Variants in STK39 observed in about 807,000 individuals in gnomAD.
STK39 encodes STE20/SPS1-related proline-alanine-rich protein kinase.
In STK39, 20 loss-of-function variants were observed where a neutral mutation model predicts 77.8. The ratio of observed to expected loss-of-function variants is 0.26; its 90% CI spans 0.18 to 0.37. The LOEUF (loss-of-function observed/expected upper bound fraction) is 0.37. STK39 is among the 10% of genes least tolerant of loss of function. STK39 has a pLI of 1.00. For synonymous variants in STK39, 246 were observed against 234.1 expected, an observed-to-expected ratio of 1.05 and a Z score of -0.47; for missense variants, 479 against 656.5, an observed-to-expected ratio of 0.73 and a Z score of 2.95.
At chr2:168,018,794 T>C (rs1308318406) in intron 14 of STK39, among the ~76,000 whole-genome samples, 10 of 152,138 alleles carry the variant, frequency 6.6e-5, no homozygotes, top group African/African-American at 2.4e-4. Context: ...AGCTGGTCTC[T>C]GGGCCCTTTT....
chr2:168,165,002 C>A (rs1327764457), intron 3 of STK39, among the ~76,000 whole-genome samples: 1 of 152,044 alleles, frequency 6.6e-6, no homozygotes, highest in African/African-American at 2.4e-5. Flanking sequence ...CAGCTGCCTG[C>A]CCCTCATTAA....
chr2:168,129,973 G>T (rs986583965), intron 8 of STK39, among the ~76,000 whole-genome samples: 1 of 152,120 alleles, frequency 6.6e-6, no homozygotes, highest in African/African-American at 2.4e-5. Context: ...ATAAACTCCT[G>T]TACATTAAGT....
At chr2:167,976,447 A>G (rs774149658) in intron 16 of STK39, among the ~76,000 whole-genome samples, 1 of 152,188 alleles carries the variant, frequency 6.6e-6, no homozygotes, top group Non-Finnish European at 1.5e-5. Context: ...GCCTTCTCAA[A>G]AGCTCAACCA....
At chr2:168,097,093 AC>A (rs1303741459) in intron 10 of STK39, among the ~76,000 whole-genome samples, 1 of 152,186 alleles carries the variant, frequency 6.6e-6, no homozygotes, top group East Asian at 1.9e-4. Context: ...CAAGTATATC[AC>A]TTTTACCAAC....
intron 5 of STK39, among the ~76,000 whole-genome samples, chr2:168,150,890 T>C (rs979634425): frequency 1.7e-4 from 26 of 152,174 alleles, no homozygotes; most frequent in African/African-American, 6.3e-4. Context: ...AGGAACCATG[T>C]AGAACCAAAG....
chr2:168,018,574 G>GAAAA (rs1338477615), intron 14 of STK39, among the ~76,000 whole-genome samples: 1 of 143,260 alleles, frequency 7.0e-6, no homozygotes, highest in South Asian at 2.1e-4. Flanking sequence ...AAGAAAGAAA[G>GAAAA]AAAGAAAGAA....
intron 16 of STK39, among the ~76,000 whole-genome samples, chr2:167,979,224 G>A (rs1400578497): frequency 6.6e-6 from 1 of 152,122 alleles, no homozygotes; most frequent in African/African-American, 2.4e-5. Flanking sequence ...CATGATAGAA[G>A]TATTTTTAAT....
At chr2:168,152,553 C>A (rs1688318254) in intron 5 of STK39, among the ~76,000 whole-genome samples, 1 of 152,130 alleles carries the variant, frequency 6.6e-6, no homozygotes, top group Admixed American at 6.6e-5. Context: ...GGGGTGAAAC[C>A]TAATGGCAAG....
At chr2:168,091,889 G>C (rs1429655104) in intron 10 of STK39, among the ~76,000 whole-genome samples, 3 of 152,048 alleles carry the variant, frequency 2.0e-5, no homozygotes, top group Non-Finnish European at 4.4e-5. Context: ...TCTCTGATAA[G>C]GACATTTAAA....
chr2:168,017,893 A>T (rs1310627139), intron 14 of STK39, among the ~76,000 whole-genome samples: 1 of 152,192 alleles, frequency 6.6e-6, no homozygotes, highest in East Asian at 1.9e-4. Context: ...ATCTAAATTT[A>T]AAAGTTTTAT....
chr2:168,037,834 G>A (rs2105347797), intron 14 of STK39, among the ~76,000 whole-genome samples: 1 of 152,192 alleles, frequency 6.6e-6, no homozygotes, highest in East Asian at 1.9e-4. Flanking sequence ...ATAACTTTCT[G>A]CATTTTCAAA....
At chr2:167,966,003 A>G (rs1002402892) in intron 16 of STK39, among the ~76,000 whole-genome samples, 1 of 152,194 alleles carries the variant, frequency 6.6e-6, no homozygotes, top group African/African-American at 2.4e-5. Context: ...CTCTTTATAA[A>G]CCATAATTGC....
rs567212400 is a variant in STK39, at chr2:168,000,632, G to T, written c.1498+12002C>A. Among the ~76,000 whole-genome samples the T allele has an allele frequency of 1.4e-4, 21 of 152,328 alleles. 1 individual carries two copies. The highest frequency in any genetic ancestry group is 5.1e-4 in the African/African-American group (21 of 41,580). ...ATGTGAGGAATTGATAGTCAACCCT[G>T]AAAGGAAAGTCAGGGCAGTGGTTGA... is the stretch of plus-strand genomic sequence containing the variant. On this transcript the variant is annotated intron_variant, in intron 16 of 17. Coordinates refer to ENST00000355999, the MANE Select transcript of STK39 (RefSeq NM_013233.3).
chr2:168,179,883 G>C, intron 2 of STK39, among the ~76,000 whole-genome samples: 1 of 152,214 alleles, frequency 6.6e-6, no homozygotes, highest in East Asian at 1.9e-4. Context: ...AAACGTGAAG[G>C]CTGTGGGCAA....
chr2:168,140,447 C>G (rs1250776558), intron 6 of STK39, 57 bp from the exon 7 acceptor site: 1 of 1,454,540 alleles, frequency 6.9e-7, no homozygotes, highest in Non-Finnish European at 9.7e-7. Flanking sequence ...TACACATCAT[C>G]AAGTCCATGT....
At chr2:168,196,674 G>T (rs1382413237) in intron 1 of STK39, among the ~76,000 whole-genome samples, 1 of 152,168 alleles carries the variant, frequency 6.6e-6, no homozygotes, top group African/African-American at 2.4e-5. Flanking sequence ...AATAATTTCA[G>T]ATTGCAGTTA....
intron 6 of STK39, 127 bp from the exon 7 acceptor site, chr2:168,140,517 G>A (rs1318762686): frequency 2.6e-6 from 3 of 1,148,284 alleles, no homozygotes; most frequent in Non-Finnish European, 3.8e-6. Flanking sequence ...TAATTAGCTA[G>A]CAATTGAGAA....
Position 168,184,164 on chromosome 2 carries a change from G to T in STK39, c.209-2074C>A, listed in dbSNP as rs577166552. ...GGACAAAACAAGCGTATGTAATACA[G>T]AGATACCTCTCATAGTTAAGTCCTT... is the stretch of plus-strand genomic sequence containing the variant. On this transcript the variant is annotated intron_variant, in intron 1 of 17. Coordinates refer to ENST00000355999, the MANE Select transcript of STK39 (RefSeq NM_013233.3). Among the ~76,000 whole-genome samples, 160 of 152,326 alleles carry T rather than the reference G, an allele frequency of 1.1e-3. 1 individual carries two copies. Among genetic ancestry groups the T allele is most frequent in the Non-Finnish European group, 1.7e-3 (117 of 68,030 alleles).
chr2:168,015,635 C>T (rs1684385160), intron 15 of STK39, among the ~76,000 whole-genome samples: 1 of 152,184 alleles, frequency 6.6e-6, no homozygotes, highest in Non-Finnish European at 1.5e-5. Flanking sequence ...TTCTTTGTTA[C>T]CTCTTAAAAT....
Sources: gnomAD v4.1 joint callset for allele counts (sites outside exome capture counted in the v4.1 genomes callset) on GRCh38, gnomAD v4.1.1 for gene constraint, MANE v1.5 for transcripts, NCBI Gene and HGNC (gene_info 2026-07-23, HGNC 2026-07-21) for gene names.